The following MACROD2 variants were observed in gnomAD, a reference collection of about 807,000 sequenced individuals.
The protein encoded by MACROD2 is ADP-ribose glycohydrolase MACROD2.
MACROD2 carries 36 observed loss-of-function variants against 70.4 expected under a neutral mutation model. The ratio of observed to expected loss-of-function variants is 0.51; its 90% confidence interval spans 0.39 to 0.68. The LOEUF (loss-of-function observed/expected upper bound fraction) is 0.68. Among genes scored for constraint, MACROD2 ranks in the 30% least tolerant of loss-of-function variants. The pLI, the probability that MACROD2 is intolerant of heterozygous loss-of-function variation, is 0.00. For synonymous variants in MACROD2, 172 were observed against 178.8 expected (o/e 0.96, Z 0.30); for missense variants, 496 against 538.4 (o/e 0.92, Z 0.78).
At chr20:15,558,122 C>T (rs1235195193) in intron 8 of MACROD2, among the ~76,000 whole-genome samples, 1 of 152,194 alleles carries the variant, frequency 6.6e-6, no homozygotes, top group Non-Finnish European at 1.5e-5. Flanking sequence ...TCTCTACTAT[C>T]GTGTCAATGG....
At chr20:14,276,859 A>G (rs2082262821) in intron 3 of MACROD2, among the ~76,000 whole-genome samples, 1 of 152,060 alleles carries the variant, frequency 6.6e-6, no homozygotes, top group African/African-American at 2.4e-5. Flanking sequence ...TAGTTGCAAA[A>G]CCATAGAATA....
chr20:14,232,649 T>C (rs936233366), intron 3 of MACROD2, among the ~76,000 whole-genome samples: 1 of 152,256 alleles, frequency 6.6e-6, no homozygotes, highest in African/African-American at 2.4e-5. Context: ...GGCTTTGTTC[T>C]GGATTAGGCT....
intron 12 of MACROD2, among the ~76,000 whole-genome samples, chr20:15,939,305 G>C (rs1326397942): frequency 6.6e-6 from 1 of 152,150 alleles, no homozygotes; most frequent in Non-Finnish European, 1.5e-5. Context: ...CAAAGGACAG[G>C]CTGGCTCTCT....
chr20:14,883,934 G>A (rs1438483810), intron 5 of MACROD2, among the ~76,000 whole-genome samples: 6 of 146,622 alleles, frequency 4.1e-5, no homozygotes, highest in Non-Finnish European at 9.3e-5. Flanking sequence ...TATTAATTTG[G>A]GATTGGATTC....
chr20:15,613,817 A>T lies in MACROD2; in HGVS notation c.645+113970A>T, dbSNP rs917604952. Among the ~76,000 whole-genome samples, 4 of 152,200 alleles carry T rather than the reference A, an allele frequency of 2.6e-5. No homozygotes were observed. The East Asian group carries it at 7.7e-4, about 29-fold the overall frequency. ...TTGAAAAGAATGTAGGAGGGTGGAA[A>T]GTCTGACCGTGTTATCTTAAAATTG... On this transcript the variant is annotated intron_variant, in intron 8 of 17. Coordinates refer to ENST00000684519, the MANE Select transcript of MACROD2 (RefSeq NM_001351661.2).
chr20:15,477,421 A>G (rs1465557311), intron 7 of MACROD2, among the ~76,000 whole-genome samples: 1 of 152,046 alleles, frequency 6.6e-6, no homozygotes, highest in African/African-American at 2.4e-5. Flanking sequence ...TCAGATTTTT[A>G]ATGAGGTTTT....
chr20:15,283,185 T>A (rs1277527849), intron 6 of MACROD2, among the ~76,000 whole-genome samples: 2 of 152,108 alleles, frequency 1.3e-5, no homozygotes, highest in Non-Finnish European at 2.9e-5. Context: ...ACATTTGAGA[T>A]GAGATTTGGG....
intron 8 of MACROD2, among the ~76,000 whole-genome samples, chr20:15,526,119 G>T (rs1297686466): frequency 1.3e-5 from 2 of 152,098 alleles, no homozygotes; most frequent in African/African-American, 4.8e-5. Context: ...CTCCACAAAG[G>T]CAAGGACTAT....
intron 13 of MACROD2, among the ~76,000 whole-genome samples, chr20:15,969,580 A>C (rs2066198466): frequency 6.6e-6 from 1 of 152,212 alleles, no homozygotes; most frequent in African/African-American, 2.4e-5. Context: ...ACTGAACATC[A>C]TATTAGACAC....
chr20:14,585,805 A>G (rs927540825), intron 4 of MACROD2, among the ~76,000 whole-genome samples: 1 of 152,174 alleles, frequency 6.6e-6, no homozygotes. Flanking sequence ...TAAAAGATTT[A>G]TGTTGATATT....
chr20:15,181,343 G>A (rs1320453180), intron 5 of MACROD2, among the ~76,000 whole-genome samples: 1 of 152,162 alleles, frequency 6.6e-6, no homozygotes. Context: ...GCTGCAATAG[G>A]TATCTTCTTC....
At chr20:15,505,774 C>T (rs938892118) in intron 8 of MACROD2, among the ~76,000 whole-genome samples, 2 of 152,156 alleles carry the variant, frequency 1.3e-5, no homozygotes, top group African/African-American at 4.8e-5. Flanking sequence ...AAAACCCCAG[C>T]TCTGCATTTT....
At chr20:14,738,546 C>G (rs560345856) in intron 5 of MACROD2, among the ~76,000 whole-genome samples, 1 of 152,128 alleles carries the variant, frequency 6.6e-6, no homozygotes, top group Non-Finnish European at 1.5e-5. Context: ...ACTGATTCTT[C>G]TCTGTCAGTG....
chr20:15,562,338 C>T (rs2048255791), intron 8 of MACROD2, among the ~76,000 whole-genome samples: 1 of 152,094 alleles, frequency 6.6e-6, no homozygotes, highest in Non-Finnish European at 1.5e-5. Flanking sequence ...AAAATGAAGC[C>T]CATGTGTGAA....
At chr20:15,318,965 G>T (rs1291772087) in intron 6 of MACROD2, among the ~76,000 whole-genome samples, 1 of 152,088 alleles carries the variant, frequency 6.6e-6, no homozygotes, top group Non-Finnish European at 1.5e-5. Context: ...CCAGACAGAG[G>T]ATGTAGGCAA....
In MACROD2 at chr20:14,575,017, C is replaced by CAAAAAAAAAA. The variant is rs1195216470; in HGVS notation, c.301+81525_301+81534dup. 2.3e-3 allele frequency among the ~76,000 whole-genome samples: 113 copies of CAAAAAAAAAA among 49,894 alleles called. 2 individuals are homozygous for CAAAAAAAAAA. Among genetic ancestry groups the CAAAAAAAAAA allele is most frequent in the African/African-American group, 7.4e-3 (102 of 13,702 alleles). The allele number at this position is 49,894 out of a possible 152,430, so 32.7% of individuals were successfully genotyped here. A position where few individuals can be genotyped will look rare whatever the true frequency, so the allele number is the denominator to read the frequency against. On this transcript the variant is annotated intron_variant, in intron 4 of 17. Transcript: ENST00000684519. ...TGGGCGACAGAGCGAGACTCTGTCT[C>CAAAAAAAAAA]AAAAAAAAAAAAAAAAAAAAAAAAA...
intron 8 of MACROD2, among the ~76,000 whole-genome samples, chr20:15,794,510 G>T (rs944474355): frequency 3.9e-5 from 6 of 152,304 alleles, no homozygotes; most frequent in East Asian, 1.9e-4. Flanking sequence ...CCAAGGGAAT[G>T]AATTCTTATG....
At chr20:15,596,010 C>T (rs2048742054) in intron 8 of MACROD2, among the ~76,000 whole-genome samples, 1 of 152,192 alleles carries the variant, frequency 6.6e-6, no homozygotes, top group African/African-American at 2.4e-5. Flanking sequence ...GGTACTATTA[C>T]TGTTCTATTT....
At chr20:15,622,917 A>G (rs1462651481) in intron 8 of MACROD2, among the ~76,000 whole-genome samples, 1 of 152,216 alleles carries the variant, frequency 6.6e-6, no homozygotes, top group Non-Finnish European at 1.5e-5. Context: ...AGCATGGTGT[A>G]TGAAGAGTTC....
Sources: allele counts gnomAD v4.1 joint callset (sites outside exome capture counted in the v4.1 genomes callset), GRCh38; gene constraint gnomAD v4.1.1; transcripts MANE v1.5; gene names NCBI Gene and HGNC (gene_info 2026-07-23, HGNC 2026-07-21).